CERS6: variants seen among roughly 807,000 people sequenced by gnomAD.
CERS6 encodes LAG1 homolog, ceramide synthase 6.
A neutral mutation model predicts 56.8 loss-of-function variants in CERS6; 26 were observed. That is an observed-to-expected ratio of 0.46 (90% CI 0.34 to 0.63). The LOEUF (loss-of-function observed/expected upper bound fraction) is 0.63, where lower values mean the gene tolerates loss of function less well. Among genes scored for constraint, CERS6 ranks in the 30% least tolerant of loss-of-function variants. The pLI is 0.01. For synonymous variants in CERS6, 164 were observed against 173.3 expected (o/e 0.95, Z 0.42); for missense variants, 415 against 467.5 (o/e 0.89, Z 1.04).
At chr2:168,464,886 G>A (rs1333162741) in intron 1 of CERS6, among the ~76,000 whole-genome samples, 1 of 152,196 alleles carries the variant, frequency 6.6e-6, no homozygotes, top group Non-Finnish European at 1.5e-5. Context: ...GAAACAAACA[G>A]AATAACACGT....
chr2:168,572,869 C>T (rs904378813), intron 3 of CERS6, among the ~76,000 whole-genome samples: 1 of 152,144 alleles, frequency 6.6e-6, no homozygotes, highest in African/African-American at 2.4e-5. Context: ...ATGTCTGGTG[C>T]TTTGTAAGGC....
chr2:168,512,834 A>C (rs1430008472), intron 1 of CERS6, among the ~76,000 whole-genome samples: 1 of 151,954 alleles, frequency 6.6e-6, no homozygotes, highest in Admixed American at 6.6e-5. Context: ...TGCCCAGCTA[A>C]GTTTTGTATT....
intron 5 of CERS6, among the ~76,000 whole-genome samples, chr2:168,691,982 GTGTCTTCTT>G (rs1425942168): frequency 6.6e-6 from 1 of 152,172 alleles, no homozygotes. Flanking sequence ...GGCTTGCCCT[GTGTCTTCTT>G]TGTTACACCT....
Position 168,456,544 on chromosome 2 carries a change from C to T in CERS6, c.96C>T (p.Phe32=). 3 of 1,614,092 alleles carry T rather than the reference C, an allele frequency of 1.9e-6. No homozygotes were observed. Among genetic ancestry groups the T allele is most frequent in the Non-Finnish European group, 1.7e-6 (2 of 1,179,952 alleles). ...TGAAGAACACGGAGGAGGCCACCTT[C>T]CCGCAGGCTGAGGACCTCTATCTCG... ...ADLKNTEEAT[F]PQAEDLYLAF... The change falls in exon 1 of 10, where the codon TTC becomes TTT. Residue 32 remains phenylalanine (F), a synonymous_variant. Coordinates refer to ENST00000305747, the MANE Select transcript of CERS6 (RefSeq NM_203463.3). This position sits in a 1 kb window ranked among gnomAD's most constrained non-coding sequence, Gnocchi z 4.1.
At chr2:168,767,837 C>A (rs1031285489) in intron 9 of CERS6, among the ~76,000 whole-genome samples, 1 of 152,228 alleles carries the variant, frequency 6.6e-6, no homozygotes, top group East Asian at 1.9e-4. Flanking sequence ...GACTTTGCCA[C>A]CTCCCCAGCC....
In CERS6 at chr2:168,547,606, A is replaced by C. The variant is rs755059125; in HGVS notation, c.181A>C (p.Lys61Gln). Residue 61 changes from lysine to glutamine, a missense_variant, in exon 2 of 10, where the codon AAA becomes CAA. Transcript: ENST00000305747. ...TTTTGTAATTTTTAGATTTGTAGCC[A>C]AACCGTGCGCCATAGCCCTCAACAT... ...VRLIFERFVAKPCAIALNIQA... is the reference protein window; with the variant it reads ...VRLIFERFVAQPCAIALNIQA... The C allele has an allele frequency of 6.2e-6, 10 of 1,613,008 alleles. No homozygotes were observed. Among genetic ancestry groups the C allele is most frequent in the African/African-American group, 2.7e-5 (2 of 74,920 alleles).
chr2:168,566,127 A>G (rs931379039), intron 3 of CERS6, among the ~76,000 whole-genome samples: 6 of 152,202 alleles, frequency 3.9e-5, no homozygotes, highest in Non-Finnish European at 1.5e-5. Flanking sequence ...ATCATTTTTG[A>G]GTATCGTGCA....
intron 1 of CERS6, among the ~76,000 whole-genome samples, chr2:168,527,391 T>G (rs1427698372): frequency 6.6e-6 from 1 of 152,162 alleles, no homozygotes; most frequent in Non-Finnish European, 1.5e-5. Flanking sequence ...CCAAAGTCCA[T>G]GGTTTACTTT....
At position 168,697,277 on chromosome 2, in the gene CERS6, TA is replaced by T. The variant is rs576126357; in HGVS notation, c.609+2228del. Among the ~76,000 whole-genome samples the T allele has an allele frequency of 2.3e-4, 35 of 152,274 alleles. No homozygotes were observed. In the East Asian group the frequency reaches 6.4e-3, roughly 28 times the overall value. Reference sequence around the variant, plus strand: ...ATAACAGATGACTCTTTGACACCCGTAATTTGTGGTTCCCTTACTCATTGCA... The same window carrying T: ...ATAACAGATGACTCTTTGACACCCGTATTTGTGGTTCCCTTACTCATTGCA... On this transcript the variant is annotated intron_variant, in intron 6 of 9. Transcript: ENST00000305747.
intron 1 of CERS6, among the ~76,000 whole-genome samples, chr2:168,482,635 A>C (rs961550332): frequency 6.6e-6 from 1 of 152,242 alleles, no homozygotes; most frequent in Non-Finnish European, 1.5e-5. Flanking sequence ...GCTAAGAGAA[A>C]AGTTTCTGTT....
At chr2:168,562,938 A>G (rs147056467) in intron 3 of CERS6, among the ~76,000 whole-genome samples, 24 of 152,300 alleles carry the variant, frequency 1.6e-4, no homozygotes, top group African/African-American at 5.8e-4. Flanking sequence ...TTGAGCCACG[A>G]GTCTGAGCAA....
At chr2:168,500,571 A>G (rs559440252) in intron 1 of CERS6, among the ~76,000 whole-genome samples, 9 of 152,336 alleles carry the variant, frequency 5.9e-5, no homozygotes, top group African/African-American at 1.4e-4. Flanking sequence ...GCTATTTCAT[A>G]TATTGGGTTA....
chr2:168,631,794 A>G (rs1242091356), intron 4 of CERS6, among the ~76,000 whole-genome samples: 2 of 128,952 alleles, frequency 1.6e-5, no homozygotes, highest in Non-Finnish European at 3.1e-5. Flanking sequence ...TTTGTTATAT[A>G]TAATATATAT....
chr2:168,616,958 T>C (rs1014009908), intron 3 of CERS6, among the ~76,000 whole-genome samples: 2 of 152,172 alleles, frequency 1.3e-5, no homozygotes, highest in Non-Finnish European at 2.9e-5. Flanking sequence ...ACATGGAACC[T>C]TCTCCAAGAC....
chr2:168,524,069 C>T (rs1463351362), intron 1 of CERS6, among the ~76,000 whole-genome samples: 3 of 152,180 alleles, frequency 2.0e-5, no homozygotes, highest in Non-Finnish European at 4.4e-5. Flanking sequence ...TCAACTCATT[C>T]AAGGGCCACC....
intron 1 of CERS6, among the ~76,000 whole-genome samples, chr2:168,510,787 A>C (rs1158518945): frequency 6.6e-6 from 1 of 152,168 alleles, no homozygotes; most frequent in Non-Finnish European, 1.5e-5. Context: ...TAAGGGCTCA[A>C]TGTGCTGGGT....
intron 8 of CERS6, among the ~76,000 whole-genome samples, chr2:168,720,736 T>G (rs1375237274): frequency 6.6e-6 from 1 of 152,200 alleles, no homozygotes; most frequent in Non-Finnish European, 1.5e-5. Context: ...ATGTAAGTAT[T>G]GGCTTGTTAA....
chr2:168,562,558 A>C (rs1163172568), intron 3 of CERS6, among the ~76,000 whole-genome samples: 3 of 152,238 alleles, frequency 2.0e-5, no homozygotes, highest in African/African-American at 7.2e-5. Flanking sequence ...AGGTACTATG[A>C]CTGGACATGC....
At chr2:168,743,947 A>T in intron 8 of CERS6, among the ~76,000 whole-genome samples, 1 of 142,116 alleles carries the variant, frequency 7.0e-6, no homozygotes, top group Admixed American at 7.0e-5. Flanking sequence ...CCAAAAAAAG[A>T]TAATTTTTAG....
Sources: gnomAD v4.1 joint callset for allele counts (sites outside exome capture counted in the v4.1 genomes callset) on GRCh38, gnomAD v4.1.1 for gene constraint, Gnocchi (gnomAD v3.1) non-coding constraint, MANE v1.5 for transcripts, NCBI Gene and HGNC (gene_info 2026-07-23, HGNC 2026-07-21) for gene names.